The following CYTL1 variants were observed in gnomAD, a reference collection of about 807,000 sequenced individuals.
CYTL1 encodes cytokine-like protein 1.
In CYTL1, 17 loss-of-function variants were observed where a neutral mutation model predicts 13.1. That is an observed-to-expected ratio of 1.29 (90% CI 0.89 to 1.94). CYTL1 has a LOEUF of 1.94. Ranked by LOEUF, CYTL1 falls within the 30% of genes most tolerant of loss-of-function variation. The pLI, the probability that CYTL1 is intolerant of heterozygous loss-of-function variation, is 0.00. For synonymous variants in CYTL1, 91 were observed against 79.4 expected, an observed-to-expected ratio of 1.15 and a Z score of -0.78; for missense variants, 213 against 174.8, an observed-to-expected ratio of 1.22 and a Z score of -1.23.
rs1375222943 is a variant in CYTL1 at position 5,014,927 on chromosome 4, G to T, written c.*224C>A. 1.3e-5 allele frequency: 7 copies of T among 536,092 alleles called. No homozygotes were observed. The South Asian group carries it at 1.6e-4, about 12-fold the overall frequency. 33.2% of individuals were successfully genotyped at this position (536,092 alleles called of 1,614,324 possible). On this transcript the variant is annotated 3_prime_UTR_variant, in exon 4 of 4. Transcript: ENST00000307746. ...ACATGCTGTGTATCTAACCATCCTG[G>T]CAAGACATGAGTCAAGGGAATGAGA...
intron 2 of CYTL1, 27 bp from the exon 3 acceptor site, chr4:5,016,991 T>C: frequency 6.2e-7 from 1 of 1,613,978 alleles, no homozygotes; most frequent in Non-Finnish European, 8.5e-7. Flanking sequence ...GGGAGGGGGC[T>C]TGTGGGAGAA....
intron 2 of CYTL1, 35 bp downstream of exon 2, chr4:5,017,100 C>T: frequency 6.2e-7 from 1 of 1,611,266 alleles, no homozygotes; most frequent in Non-Finnish European, 8.5e-7. Context: ...GTCCCTCAGC[C>T]CAAGACCTCC....
In CYTL1 at chr4:5,016,897, A is replaced by G. The variant is rs1388709489; in HGVS notation, c.266T>C (p.Val89Ala). The G allele has an allele frequency of 6.2e-7, 1 of 1,614,070 alleles. No individual in the cohort carries two copies. Among genetic ancestry groups the G allele is most frequent in the African/African-American group, 1.3e-5 (1 of 74,922 alleles). ...CCGTGCTTTGTCCTTCAAGGAATCT[A>G]CCTGGGCCACTTTCCAACACGGGGG... ...ASPPCWKVAQ[V>A]DSLKDKARKL... The change falls in exon 3 of 4, where the codon GTA (valine) becomes GCA (alanine). Residue 89 changes from valine to alanine, a missense_variant. Physicochemically the swap from Val to Ala is moderately conservative, Grantham distance 64 (BLOSUM62 0). Coordinates refer to ENST00000307746, the MANE Select transcript of CYTL1 (RefSeq NM_018659.3).
Position 5,014,892 on chromosome 4 carries a change from G to C in CYTL1, c.*259C>G, listed in dbSNP as rs574718484. The C allele has an allele frequency of 4.4e-6, 2 of 449,610 alleles. No homozygotes were observed. Among genetic ancestry groups the C allele is most frequent in the African/African-American group, 4.0e-5 (2 of 50,258 alleles). The allele number at this position is 449,610 out of a possible 1,614,324, so 27.9% of individuals were successfully genotyped here. A position where few individuals can be genotyped will look rare whatever the true frequency, so the allele number is the denominator to read the frequency against. On this transcript the variant is annotated 3_prime_UTR_variant, in exon 4 of 4. Coordinates refer to ENST00000307746, the MANE Select transcript of CYTL1 (RefSeq NM_018659.3). ...TGTTAGTCCTTTTCTTCTTTTTAGT[G>C]ACCAAATCAACATGCTGTGTATCTA...
Position 5,015,136 on chromosome 4 carries a change from C to G in CYTL1, c.*15G>C, listed in dbSNP as rs375564556. The G allele has an allele frequency of 2.5e-5, 40 of 1,611,842 alleles. No homozygotes were observed. In the African/African-American group the frequency reaches 5.3e-4, roughly 21 times the overall value. On this transcript the variant is annotated 3_prime_UTR_variant, in exon 4 of 4. Coordinates refer to ENST00000307746, the MANE Select transcript of CYTL1 (RefSeq NM_018659.3). The stretch of plus-strand genomic sequence containing the variant: ...ACTGTAGTTCTCTTGGGTTCTTTCT[C>G]TGGTCTCAGTTCCCTTAGCGCTGAC...
chr4:5,014,876 T>C lies in CYTL1; in HGVS notation c.*275A>G. Reference sequence around the variant, plus strand: ...TCATAAAAGTGAAGCTTGTTAGTCCTTTTCTTCTTTTTAGTGACCAAATCA... The same window carrying C: ...TCATAAAAGTGAAGCTTGTTAGTCCCTTTCTTCTTTTTAGTGACCAAATCA... On this transcript the variant is annotated 3_prime_UTR_variant, in exon 4 of 4. Transcript: ENST00000307746. 9.7e-6 allele frequency: 4 copies of C among 412,568 alleles called. No homozygotes were observed. Among genetic ancestry groups the C allele is most frequent in the Non-Finnish European group, 1.8e-5 (4 of 227,336 alleles). 25.6% of individuals were successfully genotyped at this position (412,568 alleles called of 1,614,324 possible).
At position 5,016,826 on chromosome 4, in the gene CYTL1, A is replaced by C. The variant is rs750116317; in HGVS notation, c.327+10T>G. ...AAGTAGAAAATAGACTTTCAATGGC[A>C]TCCACTTACTCTCCTGCAGAACGAG... On this transcript the variant is annotated intron_variant, in intron 3 of 3. Coordinates refer to ENST00000307746, the MANE Select transcript of CYTL1 (RefSeq NM_018659.3). 15 of 1,614,128 alleles carry C rather than the reference A, an allele frequency of 9.3e-6. No individual in the cohort carries two copies. The highest frequency in any genetic ancestry group is 8.5e-6 in the Non-Finnish European group (10 of 1,179,988).
intron 1 of CYTL1, 52 bp from the exon 2 acceptor site, chr4:5,017,231 AC>A (rs779319918): frequency 1.9e-6 from 3 of 1,584,748 alleles, no homozygotes; most frequent in Non-Finnish European, 2.6e-6. Flanking sequence ...ATACCTGGTC[AC>A]AAAAGTCTCC....
At chr4:5,017,325 T>A (rs28722021) in intron 1 of CYTL1, 146 bp from the exon 2 acceptor site, 93,101 of 653,848 alleles carry the variant, frequency 0.14, 7,564 homozygotes, top group Middle Eastern at 0.22. Context: ...CTTTCTTGTG[T>A]CATACGTCAC....
intron 1 of CYTL1, 151 bp from the exon 2 acceptor site, chr4:5,017,330 C>T (rs1256269360): frequency 3.7e-5 from 23 of 623,786 alleles, no homozygotes; most frequent in South Asian, 1.2e-4. Flanking sequence ...TTGTGTCATA[C>T]GTCACACTCC....
Position 5,016,826 on chromosome 4 carries a change from A to T in CYTL1, c.327+10T>A. 6.2e-7 allele frequency: 1 copy of T among 1,614,128 alleles called. No individual in the cohort carries two copies. Among genetic ancestry groups the T allele is most frequent in the Non-Finnish European group, 8.5e-7 (1 of 1,179,988 alleles). On this transcript the variant is annotated intron_variant, in intron 3 of 3. Transcript: ENST00000307746. ...AAGTAGAAAATAGACTTTCAATGGC[A>T]TCCACTTACTCTCCTGCAGAACGAG... is the stretch of plus-strand genomic sequence containing the variant.
intron 2 of CYTL1, 22 bp downstream of exon 2, chr4:5,017,113 C>T: frequency 1.2e-6 from 2 of 1,612,434 alleles, no homozygotes; most frequent in South Asian, 1.1e-5. Context: ...AGACCTCCCT[C>T]CCCCAGGGAG....
At chr4:5,019,271 C>A in intron 1 of CYTL1, 22 bp downstream of exon 1, 1 of 1,457,972 alleles carries the variant, frequency 6.9e-7, no homozygotes, top group South Asian at 1.5e-5. Flanking sequence ...GCACCCCTGT[C>A]CTGAGCGGGC....
chr4:5,018,219 CAA>C (rs1413551515), intron 1 of CYTL1, among the ~76,000 whole-genome samples: 3 of 152,084 alleles, frequency 2.0e-5, no homozygotes, highest in Non-Finnish European at 4.4e-5. Flanking sequence ...CACACACACA[CAA>C]CACACACGTA....
rs1487743091 is a variant in CYTL1 at position 5,019,217 on chromosome 4, T to C, written c.153+76A>G. ...TATCCTTTTCTCTCTCTCTCTCTTTTTTTTTTCGTGTAAAGGCAAGGGTTT... is the reference window on the plus strand; with the variant it reads ...TATCCTTTTCTCTCTCTCTCTCTTTCTTTTTTCGTGTAAAGGCAAGGGTTT... On this transcript the variant is annotated intron_variant, in intron 1 of 3. Transcript: ENST00000307746. The C allele has an allele frequency of 3.2e-6, 4 of 1,237,626 alleles. 1 individual carries two copies. In the South Asian group the frequency reaches 9.1e-5, roughly 28 times the overall value. 76.7% of individuals were successfully genotyped at this position (1,237,626 alleles called of 1,614,324 possible).
chr4:5,018,525 C>A (rs1358048705), intron 1 of CYTL1, among the ~76,000 whole-genome samples: 2 of 152,220 alleles, frequency 1.3e-5, no homozygotes, highest in African/African-American at 4.8e-5. Flanking sequence ...CACTTTGAAA[C>A]TTTACAAAAG....
At chr4:5,018,609 C>G (rs1226240977) in intron 1 of CYTL1, among the ~76,000 whole-genome samples, 1 of 152,210 alleles carries the variant, frequency 6.6e-6, no homozygotes, top group East Asian at 1.9e-4. Context: ...CCCCAAAAGC[C>G]CTCCCGGGTC....
intron 3 of CYTL1, 117 bp downstream of exon 3, chr4:5,016,719 G>A (rs983292424): frequency 1.6e-5 from 21 of 1,325,956 alleles, no homozygotes; most frequent in African/African-American, 7.3e-5. Context: ...AAGCATCTGC[G>A]AAACATCTCT....
Position 5,019,350 on chromosome 4 carries a change from C to A in CYTL1, c.96G>T (p.Arg32=). The A allele has an allele frequency of 4.0e-6, 6 of 1,515,036 alleles. No individual in the cohort carries two copies. The highest frequency in any genetic ancestry group is 5.3e-6 in the Non-Finnish European group (6 of 1,139,254). 93.8% of individuals were successfully genotyped at this position (1,515,036 alleles called of 1,614,324 possible). A position where few individuals can be genotyped will look rare whatever the true frequency, so the allele number is the denominator to read the frequency against. ...CGCGGGTGATCTCCTGGCTCAGGGCCCGCATGCGGGAGTAGCAGGTCGGGG... is the reference window on the plus strand; with the variant it reads ...CGCGGGTGATCTCCTGGCTCAGGGCACGCATGCGGGAGTAGCAGGTCGGGG... ...PTPPTCYSRM[R]ALSQEITRDF... is the part of the protein sequence containing the mutation. The change falls in exon 1 of 4, where the codon CGG becomes CGT. Residue 32 remains arginine, a synonymous_variant. Coordinates refer to ENST00000307746, the MANE Select transcript of CYTL1 (RefSeq NM_018659.3).
Sources: gnomAD v4.1 joint callset for allele counts (sites outside exome capture counted in the v4.1 genomes callset) on GRCh38, gnomAD v4.1.1 for gene constraint, MANE v1.5 for transcripts, NCBI Gene and HGNC (gene_info 2026-07-23, HGNC 2026-07-21) for gene names.